The following USP39 variants were observed in gnomAD, a reference collection of about 807,000 sequenced individuals.
USP39 encodes the protein ubiquitin specific peptidase 39.
Under a neutral mutation model 66.4 loss-of-function variants are expected in USP39, and 38 were observed. The ratio of observed to expected loss-of-function variants is 0.57; its 90% CI spans 0.44 to 0.75. The LOEUF is 0.75. USP39 is among the 30% of genes least tolerant of loss of function. The pLI is 0.00. For synonymous variants in USP39, 303 were observed against 274.6 expected (o/e 1.10, Z -1.02); for missense variants, 608 against 714.4 (o/e 0.85, Z 1.70).
intron 1 of USP39, among the ~76,000 whole-genome samples, 200 bp from the exon 2 acceptor site, chr2:85,619,020 C>T (rs910444687): frequency 6.6e-6 from 1 of 152,190 alleles, no homozygotes; most frequent in African/African-American, 2.4e-5. Flanking sequence ...ATCCACCCAT[C>T]TCGGTTTCCC....
intron 1 of USP39, among the ~76,000 whole-genome samples, chr2:85,606,367 A>T (rs1188731287): frequency 6.6e-6 from 1 of 152,198 alleles, no homozygotes; most frequent in Non-Finnish European, 1.5e-5. Context: ...TTTTTGAAAG[A>T]AGTAGATGTC....
chr2:85,644,301 T>C (rs1189234123), intron 10 of USP39, among the ~76,000 whole-genome samples: 1 of 152,208 alleles, frequency 6.6e-6, no homozygotes, highest in African/African-American at 2.4e-5. Context: ...TTATTTTACC[T>C]TGTATTGTGT....
chr2:85,619,062 C>T (rs1046531571), intron 1 of USP39, among the ~76,000 whole-genome samples, 158 bp from the exon 2 acceptor site: 9 of 152,270 alleles, frequency 5.9e-5, no homozygotes, highest in Admixed American at 4.6e-4. Context: ...TGAGCTACCG[C>T]GCCCGGCTAG....
upstream of USP39, among the ~76,000 whole-genome samples, chr2:85,615,513 G>C (rs1362890633): frequency 6.6e-6 from 1 of 152,156 alleles, no homozygotes; most frequent in Non-Finnish European, 1.5e-5. Context: ...GGGCTGTCAA[G>C]GGGATGATTT....
At chr2:85,616,185 C>G, upstream of USP39, 2 of 1,428,836 alleles carry the variant, frequency 1.4e-6, no homozygotes, top group South Asian at 1.6e-5. Flanking sequence ...ACGACTCGGC[C>G]GGTAGTGGAG....
intron 2 of USP39, among the ~76,000 whole-genome samples, chr2:85,620,456 A>G (rs1432669453): frequency 6.6e-6 from 1 of 151,638 alleles, no homozygotes; most frequent in Non-Finnish European, 1.5e-5. Flanking sequence ...TCCAGCCTGG[A>G]TGACAAAGTG....
At chr2:85,611,705 G>A, upstream of USP39, 1 of 1,586,498 alleles carries the variant, frequency 6.3e-7, no homozygotes, top group Non-Finnish European at 8.6e-7. Flanking sequence ...GGTCTGGCTT[G>A]CGGGGCCGCG....
chr2:85,645,202 A>G, intron 11 of USP39, 119 bp downstream of exon 11: 1 of 1,389,886 alleles, frequency 7.2e-7, no homozygotes, highest in East Asian at 2.4e-5. Flanking sequence ...GGACTCTGCA[A>G]GTAATAGTGC....
intron 6 of USP39, 60 bp downstream of exon 6, chr2:85,631,006 T>A: frequency 6.4e-7 from 1 of 1,551,500 alleles, no homozygotes; most frequent in East Asian, 2.3e-5. Flanking sequence ...CAAATTTATT[T>A]CCACTTGGCA....
chr2:85,625,958 T>C (rs1462413139), intron 5 of USP39, among the ~76,000 whole-genome samples: 1 of 151,604 alleles, frequency 6.6e-6, no homozygotes, highest in Non-Finnish European at 1.5e-5. Context: ...GCAGAGGTTA[T>C]AGTGACCCGA....
upstream of USP39, chr2:85,616,166 C>T (rs2104201011): frequency 4.3e-6 from 6 of 1,393,868 alleles, no homozygotes; most frequent in Non-Finnish European, 5.6e-6. Context: ...TGCTTGGCGC[C>T]TGCGCTGGAC....
upstream of USP39, among the ~76,000 whole-genome samples, chr2:85,613,817 G>A (rs533323245): frequency 2.0e-5 from 3 of 151,832 alleles, no homozygotes; most frequent in South Asian, 4.2e-4. Flanking sequence ...TCTCACTGTC[G>A]CATAGGTTGG....
chr2:85,619,146 T>G, intron 1 of USP39, 74 bp from the exon 2 acceptor site: 2 of 1,519,028 alleles, frequency 1.3e-6, no homozygotes, highest in Non-Finnish European at 1.8e-6. Context: ...CATTTCTGTT[T>G]CTTTTTTTGT....
chr2:85,637,534 CCTGTGA>C, intron 8 of USP39, 98 bp downstream of exon 8: 1 of 1,352,692 alleles, frequency 7.4e-7, no homozygotes, highest in Non-Finnish European at 1.0e-6. Context: ...GCCTGCTTGC[CCTGTGA>C]AGAGGTTCAA....
chr2:85,619,238 A>T lies in USP39; in HGVS notation c.287A>T (p.Asp96Val). The change falls in exon 2 of 13, where the codon GAT becomes GTT. Residue 96 changes from aspartate to valine, a missense_variant. Transcript: ENST00000323701. ...CTTTCAGCAAAGAATGGCCGAGTGG[A>T]TTCTGAGGACCGGAGGAGCCGCCAC... ...REVRAKNGRVDSEDRRSRHCP... is the reference protein window; with the variant it reads ...REVRAKNGRVVSEDRRSRHCP... The T allele has an allele frequency of 1.2e-6, 2 of 1,613,858 alleles. No homozygotes were observed. Among genetic ancestry groups the T allele is most frequent in the Non-Finnish European group, 1.7e-6 (2 of 1,179,972 alleles).
chr2:85,620,435 C>T (rs1031176646), intron 2 of USP39, among the ~76,000 whole-genome samples: 4 of 151,126 alleles, frequency 2.6e-5, no homozygotes, highest in East Asian at 1.9e-4. Flanking sequence ...GCTGAGATTG[C>T]GCCACTGTAC....
At position 85,648,990 on chromosome 2, in the gene USP39, A is replaced by G. The variant is rs1676857423; in HGVS notation, c.*182A>G. ...CTGGGATGGCCCCACACTGTCACTC[A>G]GCTGTTCTTTGATCATTTTTTTCTA... On this transcript the variant is annotated 3_prime_UTR_variant, in exon 13 of 13. Transcript: ENST00000323701. 2.9e-6 allele frequency: 2 copies of G among 686,828 alleles called. No homozygotes were observed. The highest frequency in any genetic ancestry group is 2.5e-5 in the East Asian group (1 of 39,778). 42.5% of individuals were successfully genotyped at this position (686,828 alleles called of 1,614,324 possible). A position where few individuals can be genotyped will look rare whatever the true frequency, so the allele number is the denominator to read the frequency against.
At chr2:85,612,056 C>T (rs1000410980), upstream of USP39, 31 of 1,190,710 alleles carry the variant, frequency 2.6e-5, no homozygotes, top group Non-Finnish European at 3.5e-5. Flanking sequence ...CAGAGCTCCG[C>T]GCCGCCCCTT....
At chr2:85,611,293 G>C (rs557305561), upstream of USP39, 7 of 1,420,036 alleles carry the variant, frequency 4.9e-6, no homozygotes, top group African/African-American at 7.3e-5. Flanking sequence ...CTAGGTAGCA[G>C]AGAAGCTGGG....
Sources: gnomAD v4.1 joint callset for allele counts (sites outside exome capture counted in the v4.1 genomes callset) on GRCh38, gnomAD v4.1.1 for gene constraint, MANE v1.5 for transcripts, NCBI Gene and HGNC (gene_info 2026-07-23, HGNC 2026-07-21) for gene names.